The following SPG7 variants were observed in gnomAD, a reference collection of about 807,000 sequenced individuals.
SPG7 encodes the protein mitochondrial inner membrane m-AAA protease component paraplegin.
SPG7 carries 103 observed loss-of-function variants against 81.9 expected under a neutral mutation model. The ratio of observed to expected loss-of-function variants is 1.26; its 90% CI spans 1.07 to 1.48. SPG7 has a LOEUF of 1.48. SPG7 is among the 40% of genes most tolerant of loss of function. The pLI, the probability that SPG7 is intolerant of heterozygous loss-of-function variation, is 0.00. For missense variants in SPG7, 1,241 were observed against 1,087.3 expected (o/e 1.14, Z -1.99); for synonymous variants, 534 against 444.2 (o/e 1.20, Z -2.54).
intron 9 of SPG7, chr16:89,543,160 G>C (rs560894548): frequency 1.3e-5 from 2 of 150,814 alleles, no homozygotes; most frequent in Admixed American, 6.6e-5. Context: ...TGTTAGCCAG[G>C]ATGCTCTCCA....
At chr16:89,514,973 G>A (rs1157105464) in intron 3 of SPG7, among the ~76,000 whole-genome samples, 1 of 131,610 alleles carries the variant, frequency 7.6e-6, no homozygotes, top group African/African-American at 3.0e-5. Context: ...GTCTCGCTCT[G>A]TCGCCTGGGC....
Position 89,544,748 on chromosome 16 carries a change from C to T in SPG7, c.1425C>T (p.Val475=), listed in dbSNP as rs1362688258. Residue 475 remains valine (V), a synonymous_variant, in exon 10 of 17, where the codon GTC becomes GTT. Coordinates refer to ENST00000645818, the MANE Select transcript of SPG7 (RefSeq NM_003119.4). ...LMRPGRLDRH[V]FIDLPTLQER... ...GGCCAGGCCGACTGGACCGGCACGT[C>T]TTCATTGATCTCCCCACGCTGCAGG... The T allele has an allele frequency of 6.2e-7, 1 of 1,614,012 alleles. No homozygotes were observed. Among genetic ancestry groups the T allele is most frequent in the African/African-American group, 1.3e-5 (1 of 74,944 alleles).
intron 9 of SPG7, chr16:89,533,091 A>G (rs1002191526): frequency 5.6e-6 from 1 of 178,596 alleles, no homozygotes; most frequent in African/African-American, 2.4e-5. Flanking sequence ...AAAAAAAAAA[A>G]AACACAGCTT....
intron 9 of SPG7, chr16:89,542,058 C>A (rs2152408135): frequency 6.6e-6 from 1 of 152,338 alleles, no homozygotes; most frequent in Admixed American, 6.5e-5. Flanking sequence ...GGAGCACGTG[C>A]CCCGCAGGGT....
chr16:89,510,854 C>T (rs1296508708), intron 2 of SPG7, among the ~76,000 whole-genome samples: 1 of 152,176 alleles, frequency 6.6e-6, no homozygotes, highest in Non-Finnish European at 1.5e-5. Context: ...GAGACAAGGT[C>T]TCACTTTGTT....
At chr16:89,545,106 T>A (rs2058546685) in intron 10 of SPG7, 1 of 381,160 alleles carries the variant, frequency 2.6e-6, no homozygotes, top group Middle Eastern at 8.8e-4. Context: ...TAGCAAATCC[T>A]TTGAAACAAA....
intron 9 of SPG7, 99 bp downstream of exon 9, chr16:89,532,735 A>G: frequency 7.1e-7 from 1 of 1,415,904 alleles, no homozygotes; most frequent in Non-Finnish European, 9.8e-7. Context: ...GTGTCACTGC[A>G]CTCCGGCCTG....
At chr16:89,531,530 T>A in intron 7 of SPG7, 2 of 315,254 alleles carry the variant, frequency 6.3e-6, no homozygotes, top group South Asian at 5.5e-5. Context: ...CCCACCACCA[T>A]GCACGGCTAA....
chr16:89,526,798 C>T (rs989115953), intron 5 of SPG7: 1 of 360,152 alleles, frequency 2.8e-6, no homozygotes, highest in African/African-American at 2.1e-5. Flanking sequence ...GCCGAAGTCT[C>T]AGCCCCCGAC....
At position 89,529,599 on chromosome 16, in the gene SPG7, G is replaced by C. The variant is rs374873914; in HGVS notation, c.861+20G>C. On this transcript the variant is annotated intron_variant, in intron 6 of 16. Coordinates refer to ENST00000645818, the MANE Select transcript of SPG7 (RefSeq NM_003119.4). ...GCTTTTGTAAGTTCTGTAAATCAGAGCTCTCTGAACTCTTTCTGGTTTGTG... is the reference window on the plus strand; with the variant it reads ...GCTTTTGTAAGTTCTGTAAATCAGACCTCTCTGAACTCTTTCTGGTTTGTG... The C allele has an allele frequency of 6.9e-5, 107 of 1,542,132 alleles. No homozygotes were observed. The highest frequency in any genetic ancestry group is 9.3e-5 in the Non-Finnish European group (104 of 1,115,274).
At position 89,557,101 on chromosome 16, in the gene SPG7, G is replaced by T. The variant is rs1321724191; in HGVS notation, c.*8G>T. 2.5e-6 allele frequency: 4 copies of T among 1,609,440 alleles called. No individual in the cohort carries two copies. The highest frequency in any genetic ancestry group is 3.3e-5 in the Admixed American group (2 of 59,936). ...CCGACTTGGCCCAAGTAGTTGGGAG[G>T]TGTTGGCTGCACGTGCGGGTGGTCC... On this transcript the variant is annotated 3_prime_UTR_variant, in exon 17 of 17. Coordinates refer to ENST00000645818, the MANE Select transcript of SPG7 (RefSeq NM_003119.4).
At chr16:89,550,387 G>A in intron 12 of SPG7, 107 bp from the exon 13 acceptor site, 1 of 792,262 alleles carries the variant, frequency 1.3e-6, no homozygotes, top group South Asian at 1.3e-5. Context: ...TGGTCGGGCT[G>A]GTCTCGAACT....
intron 9 of SPG7, chr16:89,543,591 GC>G (rs1350152293): frequency 1.3e-5 from 2 of 150,304 alleles, no homozygotes; most frequent in East Asian, 3.9e-4. Context: ...ACCTGCCTCA[GC>G]CTCCCAAAGT....
intron 12 of SPG7, chr16:89,550,093 G>A (rs1364814481): frequency 6.3e-6 from 2 of 317,896 alleles, no homozygotes; most frequent in East Asian, 8.1e-5. Flanking sequence ...TGTGCAGAGA[G>A]AGGCTTGCTT....
intron 7 of SPG7, chr16:89,531,637 A>G: frequency 2.1e-6 from 1 of 479,876 alleles, no homozygotes; most frequent in Non-Finnish European, 3.8e-6. Flanking sequence ...GCCTCCCAAA[A>G]TGTTGGAATT....
intron 10 of SPG7, chr16:89,545,825 G>T (rs1374118462): frequency 4.9e-6 from 2 of 407,412 alleles, no homozygotes; most frequent in Non-Finnish European, 9.7e-6. Flanking sequence ...TAGCTATTCT[G>T]CTATAATTTT....
At chr16:89,536,376 G>A (rs1214812155) in intron 9 of SPG7, among the ~76,000 whole-genome samples, 2 of 152,200 alleles carry the variant, frequency 1.3e-5, no homozygotes, top group Admixed American at 1.3e-4. Flanking sequence ...GGCTGCTCAA[G>A]GATGGGTGGG....
At chr16:89,516,387 C>T (rs948575934) in intron 3 of SPG7, among the ~76,000 whole-genome samples, 3 of 150,030 alleles carry the variant, frequency 2.0e-5, no homozygotes, top group Non-Finnish European at 3.0e-5. Flanking sequence ...ACTAAAAATA[C>T]CAAAAAAAAA....
At chr16:89,521,250 A>G (rs2058183851) in intron 3 of SPG7, 2 of 152,266 alleles carry the variant, frequency 1.3e-5, no homozygotes, top group South Asian at 2.1e-4. Flanking sequence ...TGATGGGGCT[A>G]GGCTCTCCCG....
Sources: allele counts gnomAD v4.1 joint callset (sites outside exome capture counted in the v4.1 genomes callset), GRCh38; gene constraint gnomAD v4.1.1; transcripts MANE v1.5; gene names NCBI Gene and HGNC (gene_info 2026-07-23, HGNC 2026-07-21).